The following UBE4B variants were observed in gnomAD, a reference collection of about 807,000 sequenced individuals.
The protein encoded by UBE4B is ubiquitination factor E4B, also known as ubiquitin conjugation factor E4 B.
A neutral mutation model predicts 148.1 loss-of-function variants in UBE4B; 27 were observed. The observed-to-expected ratio is 0.18, with a 90% CI of 0.13 to 0.25. The LOEUF (loss-of-function observed/expected upper bound fraction) is 0.25, where lower values mean the gene tolerates loss of function less well. Among genes scored for constraint, UBE4B ranks in the 10% least tolerant of loss-of-function variants. UBE4B has a pLI of 1.00. For missense variants in UBE4B, 1,170 were observed against 1,662.4 expected (o/e 0.70, Z 5.15); for synonymous variants, 596 against 619.3 (o/e 0.96, Z 0.56).
At chr1:10,170,095 T>C (rs1411941242) in intron 24 of UBE4B, among the ~76,000 whole-genome samples, 2 of 152,248 alleles carry the variant, frequency 1.3e-5, no homozygotes, top group Non-Finnish European at 1.5e-5. Context: ...GGCCCCAGCC[T>C]GTGCCTGTGC....
chr1:10,166,418 A>C (rs539862119), intron 23 of UBE4B: 1 of 152,240 alleles, frequency 6.6e-6, no homozygotes, highest in East Asian at 1.9e-4. Flanking sequence ...TTAGTAGTCC[A>C]CAGGCACTTG....
intron 14 of UBE4B, 58 bp downstream of exon 14, chr1:10,130,871 G>C: frequency 6.6e-7 from 1 of 1,504,634 alleles, no homozygotes; most frequent in Non-Finnish European, 9.2e-7. Context: ...CAGATACAGA[G>C]CTTTTATTTT....
At chr1:10,080,179 T>C (rs898670944) in intron 2 of UBE4B, among the ~76,000 whole-genome samples, 4 of 152,156 alleles carry the variant, frequency 2.6e-5, no homozygotes, top group Non-Finnish European at 5.9e-5. Context: ...CCCAGCACTT[T>C]GGGAGGCCGA....
At chr1:10,178,554 C>A in intron 25 of UBE4B, 90 bp from the exon 26 acceptor site, 1 of 1,352,160 alleles carries the variant, frequency 7.4e-7, no homozygotes, top group Non-Finnish European at 9.8e-7. Context: ...GGAAAATCCA[C>A]AAATGGATAA....
intron 22 of UBE4B, among the ~76,000 whole-genome samples, chr1:10,159,219 A>G (rs756143102): frequency 8.5e-5 from 13 of 152,158 alleles, no homozygotes; most frequent in Non-Finnish European, 1.5e-4. Flanking sequence ...CTTTGTGGTA[A>G]GGCCCTAAAC....
At chr1:10,129,526 C>T (rs1645556583) in intron 12 of UBE4B, 78 bp downstream of exon 12, 67 of 1,423,124 alleles carry the variant, frequency 4.7e-5, no homozygotes, top group Non-Finnish European at 6.5e-5. Context: ...AGTGAGATGG[C>T]CTGGAAAATG....
chr1:10,037,422 A>G (rs1379580789), intron 1 of UBE4B, among the ~76,000 whole-genome samples: 2 of 152,212 alleles, frequency 1.3e-5, no homozygotes, highest in Non-Finnish European at 2.9e-5. Flanking sequence ...TTCACTGCCT[A>G]TAGGTTCATT....
chr1:10,087,615 T>C (rs1467111120), intron 2 of UBE4B, among the ~76,000 whole-genome samples: 1 of 152,242 alleles, frequency 6.6e-6, no homozygotes, highest in Non-Finnish European at 1.5e-5. Context: ...TTGTGGGTTT[T>C]GGGGAAGATT....
chr1:10,166,972 A>ACACAC (rs1557612300), intron 23 of UBE4B, among the ~76,000 whole-genome samples: 25 of 120,326 alleles, frequency 2.1e-4, no homozygotes, highest in South Asian at 5.0e-4. Context: ...CACACACACA[A>ACACAC]AAAAAAAAAA....
intron 1 of UBE4B, among the ~76,000 whole-genome samples, chr1:10,039,001 A>G (rs963441756): frequency 6.6e-6 from 1 of 152,162 alleles, no homozygotes; most frequent in Admixed American, 6.5e-5. Context: ...CAGAGGTTGC[A>G]GTGAGCCGAG....
In UBE4B at chr1:10,153,500, A is replaced by G. The variant is rs1646013393; in HGVS notation, c.2926+1939A>G. On this transcript the variant is annotated intron_variant, in intron 21 of 27. Coordinates refer to ENST00000343090, the MANE Select transcript of UBE4B (RefSeq NM_001105562.3). ...GCAAGACCCTGTTTCTAAAAAAAAA[A>G]AAAAAAAAAAAAAAAAAAGGGTAAA... 4.0e-5 allele frequency among the ~76,000 whole-genome samples: 6 copies of G among 150,618 alleles called. No individual in the cohort carries two copies. In the South Asian group the frequency reaches 1.3e-3, roughly 31 times the overall value.
rs1293452790 is a variant in UBE4B at position 10,161,403 on chromosome 1, G to A, written c.3198+117G>A. The A allele has an allele frequency of 4.1e-6, 5 of 1,214,974 alleles. No individual in the cohort carries two copies. Among genetic ancestry groups the A allele is most frequent in the Non-Finnish European group, 4.4e-6 (4 of 903,092 alleles). 75.3% of individuals were successfully genotyped at this position (1,214,974 alleles called of 1,614,324 possible). On this transcript the variant is annotated intron_variant, in intron 23 of 27. Coordinates refer to ENST00000343090, the MANE Select transcript of UBE4B (RefSeq NM_001105562.3). This position sits in a 1 kb window ranked among gnomAD's most constrained non-coding sequence, Gnocchi z 4.1. ...GATGATATGCGATCTGACATGCTGG[G>A]ATTTTCCTTCCATGAAATCATATTG...
At chr1:10,175,344 C>T (rs1646401168) in intron 25 of UBE4B, among the ~76,000 whole-genome samples, 1 of 152,080 alleles carries the variant, frequency 6.6e-6, no homozygotes, top group Non-Finnish European at 1.5e-5. Flanking sequence ...AAAAATTCAG[C>T]ACCTACTTAG....
At chr1:10,150,976 A>G (rs1482847753) in intron 20 of UBE4B, among the ~76,000 whole-genome samples, 1 of 150,756 alleles carries the variant, frequency 6.6e-6, no homozygotes, top group Non-Finnish European at 1.5e-5. Context: ...CCTGGCTAAC[A>G]TGGTGAAACC....
chr1:10,143,062 C>T (rs149078737), intron 17 of UBE4B, among the ~76,000 whole-genome samples: 2 of 151,962 alleles, frequency 1.3e-5, no homozygotes, highest in East Asian at 1.9e-4. Flanking sequence ...GAGCTGAGAT[C>T]GTGCCACTGC....
At chr1:10,117,692 A>C in intron 8 of UBE4B, 92 bp downstream of exon 8, 1 of 1,410,328 alleles carries the variant, frequency 7.1e-7, no homozygotes, top group Non-Finnish European at 9.4e-7. Flanking sequence ...TTATTCAATC[A>C]GTAAAGCAAT....
chr1:10,179,224 C>T (rs555030582), intron 26 of UBE4B, 192 bp from the exon 27 acceptor site: 6 of 637,894 alleles, frequency 9.4e-6, no homozygotes, highest in South Asian at 4.9e-5. Context: ...GACAAAGAAG[C>T]GCCTTCCCCT....
intron 1 of UBE4B, chr1:10,054,454 C>A: frequency 7.4e-6 from 3 of 403,868 alleles, no homozygotes; most frequent in South Asian, 6.7e-5. Context: ...GCCATGAATT[C>A]ATAGGTAATA....
chr1:10,040,621 CTTTTTTT>C (rs1185644090), intron 1 of UBE4B, among the ~76,000 whole-genome samples: 2 of 141,170 alleles, frequency 1.4e-5, no homozygotes, highest in East Asian at 2.1e-4. Flanking sequence ...CTTCTTTTTT[CTTTTTTT>C]TTTTTTGAGA....
Sources: gnomAD v4.1 joint callset for allele counts (sites outside exome capture counted in the v4.1 genomes callset) on GRCh38, gnomAD v4.1.1 for gene constraint, Gnocchi (gnomAD v3.1) non-coding constraint, MANE v1.5 for transcripts, NCBI Gene and HGNC (gene_info 2026-07-23, HGNC 2026-07-21) for gene names.